Variants in KCNQ5 observed in about 807,000 individuals in gnomAD.
KCNQ5 encodes potassium voltage-gated channel subfamily Q member 5.
KCNQ5 carries 30 observed loss-of-function variants against 98.2 expected under a neutral mutation model. That is an observed-to-expected ratio of 0.31 (90% confidence interval 0.23 to 0.41). KCNQ5 has a LOEUF of 0.41. Among genes scored for constraint, KCNQ5 ranks in the 10% least tolerant of loss-of-function variants. The pLI, the probability that KCNQ5 is intolerant of heterozygous loss-of-function variation, is 1.00. For synonymous variants in KCNQ5, 458 were observed against 449.4 expected, an observed-to-expected ratio of 1.02 and a Z score of -0.24; for missense variants, 835 against 1,182.5, an observed-to-expected ratio of 0.71 and a Z score of 4.31.
At chr6:73,174,908 C>T (rs1778155477) in intron 11 of KCNQ5, among the ~76,000 whole-genome samples, 1 of 152,224 alleles carries the variant, frequency 6.6e-6, no homozygotes, top group Admixed American at 6.5e-5. Context: ...TGCCTTCCAG[C>T]ATGCTGCCTC....
At chr6:73,166,760 C>T (rs1160612526) in intron 10 of KCNQ5, among the ~76,000 whole-genome samples, 2 of 152,138 alleles carry the variant, frequency 1.3e-5, no homozygotes, top group African/African-American at 4.8e-5. Context: ...CATCCCCTGC[C>T]TCTCTCCTAA....
At chr6:72,943,613 C>A (rs1766407547) in intron 1 of KCNQ5, among the ~76,000 whole-genome samples, 1 of 152,104 alleles carries the variant, frequency 6.6e-6, no homozygotes, top group African/African-American at 2.4e-5. Context: ...GAGTTAAATA[C>A]CTTTTCAGCG....
At chr6:72,813,391 A>G (rs1192011757) in intron 1 of KCNQ5, among the ~76,000 whole-genome samples, 2 of 152,294 alleles carry the variant, frequency 1.3e-5, no homozygotes, top group East Asian at 1.9e-4. Flanking sequence ...CTACTCAGGT[A>G]TAGTTTATTG....
intron 1 of KCNQ5, among the ~76,000 whole-genome samples, chr6:72,770,363 G>A (rs1772801033): frequency 1.3e-5 from 2 of 152,066 alleles, no homozygotes; most frequent in African/African-American, 2.4e-5. Context: ...TAAAGCATTG[G>A]TAGATGATGG....
chr6:72,748,315 C>T (rs187353989), intron 1 of KCNQ5, among the ~76,000 whole-genome samples: 270 of 152,094 alleles, frequency 1.8e-3, no homozygotes, highest in African/African-American at 6.3e-3. Context: ...TGTATGTAGC[C>T]TTTCTGTCAC....
At chr6:72,859,452 A>G (rs1048869833) in intron 1 of KCNQ5, among the ~76,000 whole-genome samples, 5 of 152,060 alleles carry the variant, frequency 3.3e-5, no homozygotes, top group Non-Finnish European at 7.4e-5. Flanking sequence ...TGCCTATATC[A>G]TACATCACTT....
intron 10 of KCNQ5, among the ~76,000 whole-genome samples, chr6:73,164,367 C>T (rs1777716387): frequency 6.6e-6 from 1 of 152,166 alleles, no homozygotes. Context: ...GCTCTAACTA[C>T]ACCTACCCAA....
At chr6:72,904,779 G>C (rs1779636579) in intron 1 of KCNQ5, among the ~76,000 whole-genome samples, 1 of 152,118 alleles carries the variant, frequency 6.6e-6, no homozygotes, top group Non-Finnish European at 1.5e-5. Flanking sequence ...TGGTGCTTTT[G>C]TCTCACAGTT....
Position 72,929,408 on chromosome 6 carries a change from TCAG to T in KCNQ5, c.399-74499_399-74497del, listed in dbSNP as rs369492737. On this transcript the variant is annotated intron_variant, in intron 1 of 13. Transcript: ENST00000370398. The stretch of plus-strand genomic sequence containing the variant: ...AAAGTGACTGCCAAAAAGTGCACTC[TCAG>T]TTGTCTGGGCACATGGAAATATCTG... Among the ~76,000 whole-genome samples the T allele has an allele frequency of 3.3e-3, 498 of 152,222 alleles. 4 individuals carry two copies. Among genetic ancestry groups the T allele is most frequent in the African/African-American group, 0.011 (464 of 41,558 alleles).
chr6:73,031,343 C>G (rs1381500219), intron 2 of KCNQ5, among the ~76,000 whole-genome samples: 1 of 152,174 alleles, frequency 6.6e-6, no homozygotes, highest in Non-Finnish European at 1.5e-5. Flanking sequence ...GCCATTCACC[C>G]TCTCATTGCA....
chr6:72,891,229 T>C (rs970637286), intron 1 of KCNQ5, among the ~76,000 whole-genome samples: 1 of 152,216 alleles, frequency 6.6e-6, no homozygotes, highest in Non-Finnish European at 1.5e-5. Context: ...ATGCTAGTAT[T>C]GCACAGTTAA....
At chr6:73,049,451 G>A (rs1772114236) in intron 3 of KCNQ5, among the ~76,000 whole-genome samples, 1 of 152,196 alleles carries the variant, frequency 6.6e-6, no homozygotes, top group African/African-American at 2.4e-5. Flanking sequence ...GCACTGTGAA[G>A]TGGGGGTGCT....
intron 1 of KCNQ5, among the ~76,000 whole-genome samples, chr6:72,713,267 C>G (rs11970382): frequency 6.6e-6 from 1 of 152,160 alleles, no homozygotes; most frequent in Non-Finnish European, 1.5e-5. Flanking sequence ...GAACTCCAGG[C>G]GTCCCAAACG....
intron 1 of KCNQ5, among the ~76,000 whole-genome samples, chr6:72,624,090 A>G (rs2154471317): frequency 6.6e-6 from 1 of 152,328 alleles, no homozygotes; most frequent in East Asian, 1.9e-4. Context: ...TACAATGCAC[A>G]CAAGGAGAAC....
rs1470838002 is a variant in KCNQ5, at chr6:73,077,497, G to A, written c.792G>A (p.Lys264=). The A allele has an allele frequency of 6.2e-7, 1 of 1,608,904 alleles. No individual in the cohort carries two copies. The highest frequency in any genetic ancestry group is 2.2e-5 in the East Asian group (1 of 44,826). The stretch of plus-strand genomic sequence containing the variant: ...GTTCAGTGGTTTATGCTCACAGCAA[G>A]GTAAGATTTGCTCTCTGAATTTAAA... ...LLGSVVYAHS[K]ELITAWYIGF... The change falls in exon 4 of 14, where the codon AAG becomes AAA. Residue 264 remains lysine, a splice_region_variant and synonymous_variant. Coordinates refer to ENST00000370398, the MANE Select transcript of KCNQ5 (RefSeq NM_019842.4).
chr6:72,833,653 T>C (rs1776382001), intron 1 of KCNQ5, among the ~76,000 whole-genome samples: 1 of 152,172 alleles, frequency 6.6e-6, no homozygotes, highest in Non-Finnish European at 1.5e-5. Flanking sequence ...AAAGAAATTT[T>C]GCTTCTTCTT....
chr6:72,641,412 A>G (rs1307572702), intron 1 of KCNQ5, among the ~76,000 whole-genome samples: 2 of 152,182 alleles, frequency 1.3e-5, no homozygotes, highest in Non-Finnish European at 2.9e-5. Flanking sequence ...TCAAATAAGC[A>G]GAAACATCTG....
chr6:72,969,952 C>A (rs1767796769), intron 1 of KCNQ5, among the ~76,000 whole-genome samples: 1 of 152,126 alleles, frequency 6.6e-6, no homozygotes, highest in African/African-American at 2.4e-5. Context: ...GGCTCTAGGA[C>A]AAATGCTATC....
At chr6:72,738,363 A>G (rs4706511) in intron 1 of KCNQ5, among the ~76,000 whole-genome samples, 63,208 of 151,844 alleles carry the variant, frequency 0.42, 15,995 homozygotes, top group African/African-American at 0.69. Flanking sequence ...TATAGAATCC[A>G]GATATTCTGG....
Sources: allele counts gnomAD v4.1 joint callset (sites outside exome capture counted in the v4.1 genomes callset), GRCh38; gene constraint gnomAD v4.1.1; transcripts MANE v1.5; gene names NCBI Gene and HGNC (gene_info 2026-07-23, HGNC 2026-07-21).